KCNK1: variants seen among roughly 807,000 people sequenced by gnomAD.
The protein encoded by KCNK1 is potassium two pore domain channel subfamily K member 1.
Under a neutral mutation model 22.2 loss-of-function variants are expected in KCNK1, and 10 were observed. That is an observed-to-expected ratio of 0.45 (90% CI 0.28 to 0.76). The LOEUF is 0.76. Among genes scored for constraint, KCNK1 ranks in the 30% least tolerant of loss-of-function variants. The pLI, the probability that KCNK1 is intolerant of heterozygous loss-of-function variation, is 0.14. For missense variants in KCNK1, 378 were observed against 421.0 expected, an observed-to-expected ratio of 0.90 and a Z score of 0.89; for synonymous variants, 200 against 186.4, an observed-to-expected ratio of 1.07 and a Z score of -0.60.
At chr1:233,626,511 T>A (rs781387629) in intron 1 of KCNK1, among the ~76,000 whole-genome samples, 2 of 152,086 alleles carry the variant, frequency 1.3e-5, no homozygotes, top group Non-Finnish European at 2.9e-5. Context: ...TGCCGTGATG[T>A]CATGTTGTAT....
At chr1:233,651,068 A>G (rs1658194680) in intron 1 of KCNK1, among the ~76,000 whole-genome samples, 1 of 152,208 alleles carries the variant, frequency 6.6e-6, no homozygotes, top group South Asian at 2.1e-4. Context: ...ACCAAGCAAG[A>G]GCTATATTCA....
chr1:233,651,246 T>A (rs1043475915), intron 1 of KCNK1, among the ~76,000 whole-genome samples: 9 of 152,146 alleles, frequency 5.9e-5, no homozygotes, highest in African/African-American at 2.2e-4. Flanking sequence ...CTGCACAGCA[T>A]CTATGCCCCA....
At chr1:233,627,578 G>A (rs576747359) in intron 1 of KCNK1, among the ~76,000 whole-genome samples, 22 of 126,238 alleles carry the variant, frequency 1.7e-4, no homozygotes, top group African/African-American at 4.5e-4. Flanking sequence ...ACAGTCTGTC[G>A]CCCACGGGCC....
chr1:233,622,099 C>T lies in KCNK1; in HGVS notation c.355+7573C>T, dbSNP rs137904029. On this transcript the variant is annotated intron_variant, in intron 1 of 2. Transcript: ENST00000366621. ...TGAAGCAGTAACCTATTGGGAACTC[C>T]GGTGCTTTGAGAACAAGTTGTTTTA... is the stretch of plus-strand genomic sequence containing the variant. Among the ~76,000 whole-genome samples the T allele has an allele frequency of 5.7e-4, 86 of 152,188 alleles. 2 individuals carry two copies. In the East Asian group the frequency reaches 0.015, roughly 26 times the overall value.
intron 1 of KCNK1, among the ~76,000 whole-genome samples, chr1:233,656,870 A>C (rs983750570): frequency 1.3e-5 from 2 of 152,172 alleles, no homozygotes; most frequent in Non-Finnish European, 2.9e-5. Flanking sequence ...CTCTCACCTC[A>C]GTCTCCCAAA....
intron 1 of KCNK1, among the ~76,000 whole-genome samples, chr1:233,633,045 T>C (rs1490842764): frequency 6.6e-6 from 1 of 151,970 alleles, no homozygotes; most frequent in Non-Finnish European, 1.5e-5. Flanking sequence ...TCATTTTTGT[T>C]GACTTGGGTT....
intron 1 of KCNK1, among the ~76,000 whole-genome samples, chr1:233,662,179 T>C (rs1658404774): frequency 6.6e-6 from 1 of 152,184 alleles, no homozygotes; most frequent in African/African-American, 2.4e-5. Flanking sequence ...GTATCTCTGC[T>C]GAGGTGGAGA....
chr1:233,668,227 G>A (rs1031970031), intron 2 of KCNK1, among the ~76,000 whole-genome samples: 6 of 152,100 alleles, frequency 3.9e-5, no homozygotes, highest in South Asian at 2.1e-4. Flanking sequence ...CTCAGGTCAC[G>A]TTTTCTAGCG....
chr1:233,668,610 A>ATT (rs775097409), intron 2 of KCNK1, among the ~76,000 whole-genome samples: 7 of 148,462 alleles, frequency 4.7e-5, no homozygotes, highest in Middle Eastern at 3.5e-3. Flanking sequence ...ATTGTAGAGA[A>ATT]TTTTTTTTTT....
At chr1:233,631,511 T>G (rs989219146) in intron 1 of KCNK1, 26 of 340,776 alleles carry the variant, frequency 7.6e-5, no homozygotes, top group African/African-American at 5.5e-4. Context: ...TTAATCTAAC[T>G]GAATTTCTCC....
chr1:233,651,817 A>G (rs868579262), intron 1 of KCNK1, among the ~76,000 whole-genome samples: 2 of 152,188 alleles, frequency 1.3e-5, no homozygotes, highest in Middle Eastern at 3.2e-3. Context: ...TGGTGTGAGA[A>G]CGCCAGGACA....
chr1:233,631,306 C>A, intron 1 of KCNK1: 1 of 531,204 alleles, frequency 1.9e-6, no homozygotes, highest in Non-Finnish European at 3.9e-6. Flanking sequence ...TCACTGAACC[C>A]CTAATGTGTG....
intron 1 of KCNK1, chr1:233,631,494 C>T (rs556563388): frequency 8.8e-5 from 30 of 342,154 alleles, no homozygotes; most frequent in African/African-American, 5.7e-4. Flanking sequence ...AATAGGTGAG[C>T]TTGCCATTAA....
At chr1:233,655,555 A>T (rs1658276857) in intron 1 of KCNK1, 1 of 152,184 alleles carries the variant, frequency 6.6e-6, no homozygotes, top group Non-Finnish European at 1.5e-5. Flanking sequence ...CCAAATTTAT[A>T]TGTTGAAATC....
At chr1:233,667,033 TTTTATTTA>T (rs148162946) in intron 2 of KCNK1, 43 bp downstream of exon 2, 6 of 1,323,012 alleles carry the variant, frequency 4.5e-6, no homozygotes, top group Non-Finnish European at 5.0e-6. Flanking sequence ...GTCTCCTTTA[TTTTATTTA>T]TTTATTTATT....
intron 1 of KCNK1, among the ~76,000 whole-genome samples, chr1:233,649,789 T>A (rs1203162378): frequency 6.6e-6 from 1 of 152,188 alleles, no homozygotes; most frequent in Non-Finnish European, 1.5e-5. Flanking sequence ...GGGATTAGGC[T>A]TTAACATATG....
At position 233,671,368 on chromosome 1, in the gene KCNK1, G is replaced by A. The variant is rs761002286; in HGVS notation, c.849G>A (p.Lys283=). 4 of 1,614,164 alleles carry A rather than the reference G, an allele frequency of 2.5e-6. No individual in the cohort carries two copies. The highest frequency in any genetic ancestry group is 3.3e-5 in the Admixed American group (2 of 60,022). The change falls in exon 3 of 3, where the codon AAG becomes AAA. Residue 283 remains lysine, a synonymous_variant. Coordinates refer to ENST00000366621, the MANE Select transcript of KCNK1 (RefSeq NM_002245.4). ...LKKFRKMFYV[K]KDKDEDQVHI... Reference sequence around the variant, plus strand: ...AATTCAGAAAAATGTTCTATGTGAAGAAGGACAAGGACGAGGATCAGGTGC... The same window carrying A: ...AATTCAGAAAAATGTTCTATGTGAAAAAGGACAAGGACGAGGATCAGGTGC...
At chr1:233,644,861 A>G (rs1471369975) in intron 1 of KCNK1, among the ~76,000 whole-genome samples, 1 of 152,200 alleles carries the variant, frequency 6.6e-6, no homozygotes, top group Admixed American at 6.5e-5. Context: ...ATTACATTCT[A>G]TTTCCAGTAT....
chr1:233,634,564 C>T (rs916535035), intron 1 of KCNK1, among the ~76,000 whole-genome samples: 3 of 152,242 alleles, frequency 2.0e-5, no homozygotes, highest in African/African-American at 7.2e-5. Context: ...CTCAGACAGT[C>T]CCGGATGGAG....
Sources: gnomAD v4.1 joint callset for allele counts (sites outside exome capture counted in the v4.1 genomes callset) on GRCh38, gnomAD v4.1.1 for gene constraint, MANE v1.5 for transcripts, NCBI Gene and HGNC (gene_info 2026-07-23, HGNC 2026-07-21) for gene names.